Variants in TCERG1L observed in about 807,000 individuals in gnomAD.
The protein encoded by TCERG1L is transcription elongation regulator 1-like protein.
Under a neutral mutation model 56.3 loss-of-function variants are expected in TCERG1L, and 37 were observed. That is an observed-to-expected ratio of 0.66 (90% CI 0.51 to 0.87). The LOEUF is 0.87. Ranked by LOEUF, TCERG1L falls within the 40% of genes least tolerant of loss-of-function variation. The pLI is 0.00. For synonymous variants in TCERG1L, 324 were observed against 326.3 expected (o/e 0.99, Z 0.08); for missense variants, 799 against 774.2 (o/e 1.03, Z -0.38).
At chr10:131,224,878 C>T in intron 4 of TCERG1L, among the ~76,000 whole-genome samples, 1 of 152,158 alleles carries the variant, frequency 6.6e-6, no homozygotes, top group East Asian at 1.9e-4. Context: ...ATTAGCGTAC[C>T]TGGACGTTAG....
chr10:131,246,257 G>C (rs1035849248), intron 4 of TCERG1L, among the ~76,000 whole-genome samples: 2 of 152,206 alleles, frequency 1.3e-5, no homozygotes, highest in African/African-American at 4.8e-5. Context: ...CGAGCTGAGT[G>C]CTGGAGGATG....
At chr10:131,243,146 C>T (rs1183451633) in intron 4 of TCERG1L, among the ~76,000 whole-genome samples, 21 of 152,088 alleles carry the variant, frequency 1.4e-4, no homozygotes, top group Admixed American at 1.3e-3. Context: ...TTCGCCTGCA[C>T]GATAATAACA....
chr10:131,129,664 G>T (rs1845597655), intron 8 of TCERG1L, among the ~76,000 whole-genome samples: 1 of 152,082 alleles, frequency 6.6e-6, no homozygotes, highest in South Asian at 2.1e-4. Flanking sequence ...CTATCACAAT[G>T]GAACTGTTTG....
At chr10:131,258,768 G>T (rs1423986092) in intron 4 of TCERG1L, among the ~76,000 whole-genome samples, 2 of 152,130 alleles carry the variant, frequency 1.3e-5, no homozygotes, top group Admixed American at 1.3e-4. Context: ...TTTGATCATG[G>T]AACCTTATAA....
intron 6 of TCERG1L, among the ~76,000 whole-genome samples, chr10:131,155,150 G>A (rs1437438731): frequency 3.3e-5 from 5 of 152,202 alleles, no homozygotes; most frequent in African/African-American, 7.2e-5. Context: ...GGACGTCCCT[G>A]CACGGCACCA....
intron 3 of TCERG1L, among the ~76,000 whole-genome samples, chr10:131,297,111 C>G (rs201393015): frequency 2.6e-5 from 4 of 152,098 alleles, no homozygotes; most frequent in African/African-American, 9.7e-5. Flanking sequence ...CTAGGGCTCC[C>G]GTCACAAATC....
At chr10:131,310,852 AATCTGAAAC>A (rs1173938947) in intron 1 of TCERG1L, among the ~76,000 whole-genome samples, 1 of 152,194 alleles carries the variant, frequency 6.6e-6, no homozygotes, top group Admixed American at 6.5e-5. Context: ...ACCAGATTAG[AATCTGAAAC>A]AGCTGAAACA....
rs55868122 is a variant in TCERG1L, at chr10:131,228,944, C to A, written c.856+31315G>T. 2.6e-3 allele frequency among the ~76,000 whole-genome samples: 280 copies of A among 105,728 alleles called. 1 individual carries two copies. Among genetic ancestry groups the A allele is most frequent in the African/African-American group, 1.0e-2 (249 of 24,992 alleles). The allele number at this position is 105,728 out of a possible 152,430, so 69.4% of individuals were successfully genotyped here. Reference sequence around the variant, plus strand: ...TTTCCTCAAGGCCTCCGGAGTCTCCCCTCCAGACAGGCATTTCCTCAAGGC... The same window carrying A: ...TTTCCTCAAGGCCTCCGGAGTCTCCACTCCAGACAGGCATTTCCTCAAGGC... On this transcript the variant is annotated intron_variant, in intron 4 of 11. Transcript: ENST00000368642.
In TCERG1L at chr10:131,103,073, T is replaced by C. The variant is rs1210808275; in HGVS notation, c.1485+1192A>G. On this transcript the variant is annotated intron_variant, in intron 10 of 11. Transcript: ENST00000368642. The surrounding 1 kb of genome is among the most constrained non-coding windows in gnomAD (Gnocchi z 4.3). ...AGAACTCCACCCTTCACTGTGCTGC[T>C]AGTGTTCTCTGGACCACTCCTATTT... 6.6e-6 allele frequency among the ~76,000 whole-genome samples: 1 copy of C among 151,964 alleles called. No individual in the cohort carries two copies. Among genetic ancestry groups the C allele is most frequent in the African/African-American group, 2.4e-5 (1 of 41,392 alleles).
intron 1 of TCERG1L, 89 bp from the exon 2 acceptor site, chr10:131,309,388 A>T (rs1369057170): frequency 3.3e-6 from 5 of 1,496,778 alleles, no homozygotes; most frequent in African/African-American, 2.9e-5. Flanking sequence ...ACTGCTTTGA[A>T]AAGGGAATTT....
At chr10:131,207,767 C>T (rs567233683) in intron 4 of TCERG1L, among the ~76,000 whole-genome samples, 21 of 152,244 alleles carry the variant, frequency 1.4e-4, no homozygotes, top group Non-Finnish European at 2.2e-4. Flanking sequence ...GAACCAGGAC[C>T]GCCCTCACAG....
chr10:131,092,480 A>G lies in TCERG1L; in HGVS notation c.*682T>C, dbSNP rs1041359208. On this transcript the variant is annotated 3_prime_UTR_variant, in exon 12 of 12. Coordinates refer to ENST00000368642, the MANE Select transcript of TCERG1L (RefSeq NM_174937.4). ...AATCTCATGCAAACTCCGGGCATAC[A>G]ATAAAAATAACTCAAATATTAATAT... 1 of 152,666 alleles carries G rather than the reference A, an allele frequency of 6.6e-6. No individual in the cohort carries two copies. Among genetic ancestry groups the G allele is most frequent in the Non-Finnish European group, 1.5e-5 (1 of 68,050 alleles). 9.5% of individuals were successfully genotyped at this position (152,666 alleles called of 1,614,324 possible).
At chr10:131,295,608 A>T (rs1316670036) in intron 3 of TCERG1L, among the ~76,000 whole-genome samples, 2 of 152,264 alleles carry the variant, frequency 1.3e-5, no homozygotes, top group Non-Finnish European at 2.9e-5. Context: ...CTCACATAAA[A>T]TAACAATACA....
chr10:131,112,620 C>T lies in TCERG1L; in HGVS notation c.1395+4179G>A, dbSNP rs939171063. Among the ~76,000 whole-genome samples the T allele has an allele frequency of 2.1e-5, 3 of 142,276 alleles. 1 individual carries two copies. Among genetic ancestry groups the T allele is most frequent in the South Asian group, 5.2e-4 (2 of 3,844 alleles). 93.3% of individuals were successfully genotyped at this position (142,276 alleles called of 152,430 possible). On this transcript the variant is annotated intron_variant, in intron 9 of 11. Transcript: ENST00000368642. The stretch of plus-strand genomic sequence containing the variant: ...CCAGAGTCCCCGACCGTCAAAAACG[C>T]GGCAGCCCAGGGTGGAATGACCGGG...
intron 7 of TCERG1L, among the ~76,000 whole-genome samples, chr10:131,145,008 G>A (rs1845780980): frequency 6.6e-6 from 1 of 152,210 alleles, no homozygotes; most frequent in African/African-American, 2.4e-5. Flanking sequence ...GAGCAACTAT[G>A]CATTGCCTTT....
In TCERG1L at chr10:131,258,744, C is replaced by T. The variant is rs188445495; in HGVS notation, c.856+1515G>A. 1.3e-3 allele frequency among the ~76,000 whole-genome samples: 199 copies of T among 152,224 alleles called. 1 individual carries two copies. The highest frequency in any genetic ancestry group is 4.5e-3 in the African/African-American group (188 of 41,536). ...GTGCTGGCCTCGTTCTAACTGAACA[C>T]GCATTATTGCAAATTTGATCATGGA... On this transcript the variant is annotated intron_variant, in intron 4 of 11. Transcript: ENST00000368642.
In TCERG1L at chr10:131,143,987, G is replaced by A. The variant is rs79386106; in HGVS notation, c.1189+2519C>T. 3.8e-3 allele frequency among the ~76,000 whole-genome samples: 578 copies of A among 152,214 alleles called. 25 individuals carry two copies. In the East Asian group the frequency reaches 0.092, roughly 24 times the overall value. On this transcript the variant is annotated intron_variant, in intron 7 of 11. Coordinates refer to ENST00000368642, the MANE Select transcript of TCERG1L (RefSeq NM_174937.4). ...CGAACGTCTCAGCACTTCTGGAGGC[G>A]CTGCCTCCTGTCTCCCACAGCTGCC...
rs116308766 is a variant in TCERG1L at position 131,218,232 on chromosome 10, C to T, written c.856+42027G>A. Among the ~76,000 whole-genome samples the T allele has an allele frequency of 4.4e-3, 676 of 152,254 alleles. 4 individuals are homozygous for T. Among genetic ancestry groups the T allele is most frequent in the African/African-American group, 0.015 (630 of 41,554 alleles). The stretch of plus-strand genomic sequence containing the variant: ...CTGTTCATATTTCTACATAGAGTAC[C>T]GTGAGTGCTGTGTAAGAAAGCACCA... On this transcript the variant is annotated intron_variant, in intron 4 of 11. Coordinates refer to ENST00000368642, the MANE Select transcript of TCERG1L (RefSeq NM_174937.4).
At position 131,310,022 on chromosome 10, in the gene TCERG1L, T is replaced by C. The variant is rs1009156230; in HGVS notation, c.343-723A>G. On this transcript the variant is annotated intron_variant, in intron 1 of 11. Coordinates refer to ENST00000368642, the MANE Select transcript of TCERG1L (RefSeq NM_174937.4). ...ATGACATGGAACGTTTCAGTACCTA[T>C]TGTTTTAAAATCGTAAAAGCATTTG... 7.9e-5 allele frequency among the ~76,000 whole-genome samples: 12 copies of C among 152,212 alleles called. No individual in the cohort carries two copies. In the East Asian group the frequency reaches 2.1e-3, roughly 27 times the overall value.
Sources: allele counts gnomAD v4.1 joint callset (sites outside exome capture counted in the v4.1 genomes callset), GRCh38; gene constraint gnomAD v4.1.1; non-coding constraint Gnocchi (gnomAD v3.1); transcripts MANE v1.5; gene names NCBI Gene and HGNC (gene_info 2026-07-23, HGNC 2026-07-21).